Variants in SLC13A3 observed in about 807,000 individuals in gnomAD.
The protein encoded by SLC13A3 is Na(+)/dicarboxylate cotransporter 3.
A neutral mutation model predicts 59.0 loss-of-function variants in SLC13A3; 40 were observed. The observed-to-expected ratio is 0.68, with a 90% confidence interval of 0.53 to 0.88. The LOEUF is 0.88. Among genes scored for constraint, SLC13A3 ranks in the 40% least tolerant of loss-of-function variants. SLC13A3 has a pLI of 0.00. For synonymous variants in SLC13A3, 317 were observed against 330.3 expected (o/e 0.96, Z 0.44); for missense variants, 699 against 783.2 (o/e 0.89, Z 1.28).
chr20:46,683,644 A>G (rs913577786), intron 1 of SLC13A3, among the ~76,000 whole-genome samples: 1 of 152,178 alleles, frequency 6.6e-6, no homozygotes, highest in South Asian at 2.1e-4. Flanking sequence ...CCCCTCTTGT[A>G]GCAGAGCGCT....
intron 11 of SLC13A3, 67 bp downstream of exon 11, chr20:46,566,162 G>T (rs2146080968): frequency 7.2e-7 from 1 of 1,383,630 alleles, no homozygotes; most frequent in Non-Finnish European, 1.0e-6. Context: ...AGGTCCCTTG[G>T]CGGGGGAAGA....
At chr20:46,636,057 A>G (rs1271546558) in intron 1 of SLC13A3, among the ~76,000 whole-genome samples, 1 of 152,230 alleles carries the variant, frequency 6.6e-6, no homozygotes, top group Non-Finnish European at 1.5e-5. Context: ...CCCCTTGTTT[A>G]GCAGATGATC....
In SLC13A3 at chr20:46,594,070, A is replaced by G. The variant is rs574286800; in HGVS notation, c.795-1541T>C. 3.5e-4 allele frequency among the ~76,000 whole-genome samples: 53 copies of G among 152,216 alleles called. 2 individuals are homozygous for G. Among genetic ancestry groups the G allele is most frequent in the Non-Finnish European group, 5.7e-4 (39 of 68,002 alleles). On this transcript the variant is annotated intron_variant, in intron 5 of 12. Coordinates refer to ENST00000279027, the MANE Select transcript of SLC13A3 (RefSeq NM_022829.6). The stretch of plus-strand genomic sequence containing the variant: ...GGCTTCTCCTGTTCTCAGCTGGAGA[A>G]TCAAAATCACATATTACCTAGCATT...
At chr20:46,643,418 G>GA (rs2062864057) in intron 1 of SLC13A3, among the ~76,000 whole-genome samples, 1 of 152,162 alleles carries the variant, frequency 6.6e-6, no homozygotes, top group Non-Finnish European at 1.5e-5. Context: ...AGCAAGACTT[G>GA]CGGACATCTG....
intron 3 of SLC13A3, among the ~76,000 whole-genome samples, 170 bp downstream of exon 3, chr20:46,610,276 A>T (rs942667580): frequency 6.6e-6 from 1 of 152,206 alleles, no homozygotes; most frequent in East Asian, 1.9e-4. Flanking sequence ...CAACCAAGGT[A>T]CCATGATTTC....
intron 1 of SLC13A3, among the ~76,000 whole-genome samples, chr20:46,646,078 A>C (rs1306308738): frequency 6.6e-6 from 1 of 152,160 alleles, no homozygotes; most frequent in Admixed American, 6.5e-5. Flanking sequence ...CTGAGGCTCA[A>C]ATGAGATGAT....
At chr20:46,595,674 C>G (rs1199456519) in intron 5 of SLC13A3, among the ~76,000 whole-genome samples, 1 of 152,208 alleles carries the variant, frequency 6.6e-6, no homozygotes, top group Non-Finnish European at 1.5e-5. Flanking sequence ...GCCCCAGGCT[C>G]TTCGTCTCCC....
Position 46,583,594 on chromosome 20 carries a change from G to T in SLC13A3, c.1197C>A (p.Leu399=), listed in dbSNP as rs746027184. The T allele has an allele frequency of 1.3e-5, 21 of 1,613,490 alleles. No homozygotes were observed. In the Admixed American group the frequency reaches 3.5e-4, roughly 27 times the overall value. ...LFFFPSQRPS[L]KWWFDFKAPN... ...TACCTTTGAAGTCAAACCACCACTT[G>T]AGAGAGGGCCTTTGGGACGGGAAGA... The change falls in exon 9 of 13, where the codon CTC becomes CTA. Residue 399 remains leucine (L), a synonymous_variant. Transcript: ENST00000279027.
At chr20:46,648,181 T>C (rs545887648) in intron 1 of SLC13A3, among the ~76,000 whole-genome samples, 4 of 152,282 alleles carry the variant, frequency 2.6e-5, no homozygotes, top group Admixed American at 2.6e-4. Context: ...TGTGCTTGCT[T>C]TAACCCATGT....
At chr20:46,649,833 T>TA (rs1338065262) in intron 1 of SLC13A3, among the ~76,000 whole-genome samples, 1 of 152,174 alleles carries the variant, frequency 6.6e-6, no homozygotes, top group Non-Finnish European at 1.5e-5. Flanking sequence ...ATAGCTTAGA[T>TA]AATTCCACAC....
chr20:46,616,405 G>A lies in SLC13A3; in HGVS notation c.112-2680C>T, dbSNP rs144039917. The stretch of plus-strand genomic sequence containing the variant: ...ATCCTGGCAGCCCCTAAACCTCCCC[G>A]ATTTGGGGATTCAATGGCAGATCAT... On this transcript the variant is annotated intron_variant, in intron 1 of 12. Transcript: ENST00000279027. 5.6e-3 allele frequency among the ~76,000 whole-genome samples: 845 copies of A among 152,180 alleles called. 4 individuals are homozygous for A. Among genetic ancestry groups the A allele is most frequent in the Non-Finnish European group, 0.01 (689 of 68,004 alleles).
intron 1 of SLC13A3, among the ~76,000 whole-genome samples, chr20:46,627,463 G>A (rs1007701748): frequency 2.6e-5 from 4 of 152,150 alleles, no homozygotes; most frequent in East Asian, 1.9e-4. Flanking sequence ...CCCCTACCAC[G>A]AGGACAACCA....
chr20:46,559,538 A>C lies in SLC13A3; in HGVS notation c.*484T>G, dbSNP rs1350776154. ...ATGGGCACCAACTAAGCAAAATCAC[A>C]CACTGGTTGTGAACAGCTGGAACAA... On this transcript the variant is annotated 3_prime_UTR_variant, in exon 13 of 13. Transcript: ENST00000279027. 1 of 152,752 alleles carries C rather than the reference A, an allele frequency of 6.5e-6. No individual in the cohort carries two copies. Among genetic ancestry groups the C allele is most frequent in the African/African-American group, 2.4e-5 (1 of 41,438 alleles). The allele number at this position is 152,752 out of a possible 1,614,324, so 9.5% of individuals were successfully genotyped here. A position where few individuals can be genotyped will look rare whatever the true frequency, so the allele number is the denominator to read the frequency against.
chr20:46,616,423 C>A (rs1231116094), intron 1 of SLC13A3, among the ~76,000 whole-genome samples: 1 of 152,188 alleles, frequency 6.6e-6, no homozygotes, highest in Non-Finnish European at 1.5e-5. Flanking sequence ...GATTCAATGG[C>A]AGATCATCAG....
intron 1 of SLC13A3, among the ~76,000 whole-genome samples, chr20:46,629,202 A>T (rs2062711079): frequency 6.6e-6 from 1 of 152,194 alleles, no homozygotes; most frequent in Non-Finnish European, 1.5e-5. Context: ...TATATCTGTA[A>T]AATTATTGGG....
At chr20:46,605,083 C>A (rs1249107314) in intron 3 of SLC13A3, among the ~76,000 whole-genome samples, 2 of 152,126 alleles carry the variant, frequency 1.3e-5, no homozygotes, top group Admixed American at 6.5e-5. Flanking sequence ...AGTTGAAGAG[C>A]CCTGATAAGA....
At position 46,560,172 on chromosome 20, in the gene SLC13A3, C is replaced by G. The variant is rs2146068167; in HGVS notation, c.1659G>C (p.Leu553=). Reference sequence around the variant, plus strand: ...CCAAACTGAGCAGCAGGACACCCATCAGGTTCATCAGGAGGCCTGTCCGCA... The same window carrying G: ...CCAAACTGAGCAGCAGGACACCCATGAGGTTCATCAGGAGGCCTGTCCGCA... ...DMVRTGLLMN[L]MGVLLLSLAM... The change falls in exon 13 of 13, where the codon CTG becomes CTC. Residue 553 remains leucine (L), a synonymous_variant. Coordinates refer to ENST00000279027, the MANE Select transcript of SLC13A3 (RefSeq NM_022829.6). 1 of 1,614,158 alleles carries G rather than the reference C, an allele frequency of 6.2e-7. No individual in the cohort carries two copies. Among genetic ancestry groups the G allele is most frequent in the Non-Finnish European group, 8.5e-7 (1 of 1,180,010 alleles).
intron 9 of SLC13A3, among the ~76,000 whole-genome samples, chr20:46,579,540 T>A (rs2062113241): frequency 6.6e-6 from 1 of 152,178 alleles, no homozygotes; most frequent in Admixed American, 6.5e-5. Context: ...CCAGAAAGTA[T>A]CACATCAGCC....
intron 1 of SLC13A3, among the ~76,000 whole-genome samples, chr20:46,621,192 G>C (rs1022638189): frequency 6.6e-6 from 1 of 152,204 alleles, no homozygotes; most frequent in Admixed American, 6.5e-5. Context: ...GCTAGGGAAA[G>C]CTTCCCCAGA....
Sources: allele counts gnomAD v4.1 joint callset (sites outside exome capture counted in the v4.1 genomes callset), GRCh38; gene constraint gnomAD v4.1.1; transcripts MANE v1.5; gene names NCBI Gene and HGNC (gene_info 2026-07-23, HGNC 2026-07-21).